Variants in GLRA3 observed in about 807,000 individuals in gnomAD.
GLRA3 encodes the protein glycine receptor alpha 3, also known as glycine receptor subunit alpha-3.
Under a neutral mutation model 60.4 loss-of-function variants are expected in GLRA3, and 44 were observed. The observed-to-expected ratio is 0.73, with a 90% CI of 0.57 to 0.94. The LOEUF (loss-of-function observed/expected upper bound fraction) is 0.94, where lower values mean the gene tolerates loss of function less well. GLRA3 is among the 40% of genes least tolerant of loss of function. The probability of loss-of-function intolerance (pLI) is 0.00; values close to 1 mark genes in which losing one functional copy is unlikely to be tolerated. For missense variants in GLRA3, 508 were observed against 564.6 expected, an observed-to-expected ratio of 0.90 and a Z score of 1.02; for synonymous variants, 223 against 192.9, an observed-to-expected ratio of 1.16 and a Z score of -1.29.
chr4:174,675,190 T>G (rs980312755), intron 7 of GLRA3, among the ~76,000 whole-genome samples: 3 of 152,164 alleles, frequency 2.0e-5, no homozygotes, highest in Admixed American at 6.6e-5. Context: ...ATCAGAGAGA[T>G]AGACTTTGTA....
rs917761951 is a variant in GLRA3 at position 174,728,640 on chromosome 4, C to T, written c.326G>A (p.Ser109Asn). 5 of 1,611,946 alleles carry T rather than the reference C, an allele frequency of 3.1e-6. No individual in the cohort carries two copies. The East Asian group carries it at 1.1e-4, about 36-fold the overall frequency. ...GTCTAAAGAGTCGTCAGGATATTCACTGTACGCGAGGCGGGGATCATTCCA... is the reference window on the plus strand; with the variant it reads ...GTCTAAAGAGTCGTCAGGATATTCATTGTACGCGAGGCGGGGATCATTCCA... ...QKWNDPRLAY[S>N]EYPDDSLDLD... Residue 109 changes from serine to asparagine, a missense_variant, in exon 4 of 10, where the codon AGT becomes AAT. This residue lies in a region of GLRA3 where 329 missense variants were observed against 349.3 expected (regional missense o/e 0.94). Coordinates refer to ENST00000274093, the MANE Select transcript of GLRA3 (RefSeq NM_006529.4).
At chr4:174,798,615 C>A (rs1739665355) in intron 1 of GLRA3, among the ~76,000 whole-genome samples, 1 of 151,726 alleles carries the variant, frequency 6.6e-6, no homozygotes, top group South Asian at 2.1e-4. Context: ...AGAAGGCCAC[C>A]ATGGAAGAAT....
At chr4:174,661,691 A>G (rs1009804148) in intron 7 of GLRA3, among the ~76,000 whole-genome samples, 2 of 152,126 alleles carry the variant, frequency 1.3e-5, no homozygotes, top group African/African-American at 4.8e-5. Flanking sequence ...GGATCTGGCA[A>G]TCTGGCAGCA....
At position 174,715,283 on chromosome 4, in the gene GLRA3, A is replaced by C. The variant is rs113587444; in HGVS notation, c.574+205T>G. On this transcript the variant is annotated intron_variant, in intron 5 of 9. Transcript: ENST00000274093. ...CAAGCTTTGAAAATCTGTTATTTTT[A>C]GATCCTCAATTTGTTTCTTTCTCAT... Among the ~76,000 whole-genome samples, 1,078 of 152,310 alleles carry C rather than the reference A, an allele frequency of 7.1e-3. 12 individuals are homozygous for C. Among genetic ancestry groups the C allele is most frequent in the African/African-American group, 0.025 (1,031 of 41,566 alleles).
chr4:174,675,075 A>G (rs1734060967), intron 7 of GLRA3, among the ~76,000 whole-genome samples: 2 of 152,176 alleles, frequency 1.3e-5, no homozygotes, highest in Non-Finnish European at 2.9e-5. Context: ...TTGAATTCTA[A>G]GATGATACAG....
Position 174,639,588 on chromosome 4 carries a change from T to C in GLRA3, c.*4198A>G, listed in dbSNP as rs1313330722. The C allele has an allele frequency of 6.6e-6, 1 of 152,108 alleles. No individual in the cohort carries two copies. The allele number at this position is 152,108 out of a possible 1,614,324, so 9.4% of individuals were successfully genotyped here. A position where few individuals can be genotyped will look rare whatever the true frequency, so the allele number is the denominator to read the frequency against. On this transcript the variant is annotated 3_prime_UTR_variant, in exon 10 of 10. Coordinates refer to ENST00000274093, the MANE Select transcript of GLRA3 (RefSeq NM_006529.4). ...CCCTGCCCTAGTTCCGTTTAAATTGTAGAGAGTTATATTTTACACATGGCC... is the reference window on the plus strand; with the variant it reads ...CCCTGCCCTAGTTCCGTTTAAATTGCAGAGAGTTATATTTTACACATGGCC...
chr4:174,756,861 A>T (rs1458924680), intron 3 of GLRA3, among the ~76,000 whole-genome samples: 1 of 152,046 alleles, frequency 6.6e-6, no homozygotes, highest in East Asian at 1.9e-4. Context: ...GTTAGCCAGG[A>T]TGGTCTCGTC....
At chr4:174,826,482 C>T (rs893322451) in intron 1 of GLRA3, among the ~76,000 whole-genome samples, 5 of 152,126 alleles carry the variant, frequency 3.3e-5, no homozygotes, top group Admixed American at 3.3e-4. Context: ...CTTCTACTTG[C>T]TGAACTGTAG....
chr4:174,815,937 G>A (rs1445562744), intron 1 of GLRA3, among the ~76,000 whole-genome samples: 3 of 152,272 alleles, frequency 2.0e-5, no homozygotes, highest in Middle Eastern at 3.4e-3. Flanking sequence ...CAGAAAATGG[G>A]AGTTTCTTTT....
chr4:174,716,601 C>T (rs1735926634), intron 4 of GLRA3, among the ~76,000 whole-genome samples: 1 of 152,158 alleles, frequency 6.6e-6, no homozygotes, highest in Non-Finnish European at 1.5e-5. Flanking sequence ...TCTTCATGAG[C>T]ACCCTAGGTG....
chr4:174,662,738 T>G lies in GLRA3; in HGVS notation c.928-3541A>C, dbSNP rs78179186. The stretch of plus-strand genomic sequence containing the variant: ...GTTCTTCAGGTCTCAGGCTAGACTT[T>G]GCCCAAATCTGGTTCAGAATCTCAT... On this transcript the variant is annotated intron_variant, in intron 7 of 9. Coordinates refer to ENST00000274093, the MANE Select transcript of GLRA3 (RefSeq NM_006529.4). Among the ~76,000 whole-genome samples, 470 of 152,254 alleles carry G rather than the reference T, an allele frequency of 3.1e-3. 4 individuals carry two copies. Among genetic ancestry groups the G allele is most frequent in the African/African-American group, 0.011 (449 of 41,566 alleles).
intron 2 of GLRA3, among the ~76,000 whole-genome samples, chr4:174,785,823 G>A (rs190398783): frequency 6.6e-6 from 1 of 152,002 alleles, no homozygotes; most frequent in African/African-American, 2.4e-5. Flanking sequence ...AGGCTGGAGT[G>A]CAGTGGCACA....
chr4:174,783,067 T>A (rs915851441), intron 2 of GLRA3, among the ~76,000 whole-genome samples: 4 of 152,156 alleles, frequency 2.6e-5, no homozygotes, highest in African/African-American at 7.2e-5. Flanking sequence ...GACTTCCAAC[T>A]ATACTACAAG....
rs540518498 is a variant in GLRA3 at position 174,637,634 on chromosome 4, T to C, written c.*6152A>G. On this transcript the variant is annotated 3_prime_UTR_variant, in exon 10 of 10. Coordinates refer to ENST00000274093, the MANE Select transcript of GLRA3 (RefSeq NM_006529.4). ...AACCACCCCAGAGTAAAAGCAGCTA[T>C]TAAAATAAAACAACTTAATCCCCTG... is the stretch of plus-strand genomic sequence containing the variant. The C allele has an allele frequency of 4.9e-4, 75 of 152,344 alleles. 1 individual carries two copies. The highest frequency in any genetic ancestry group is 1.6e-3 in the African/African-American group (67 of 41,592). The allele number at this position is 152,344 out of a possible 1,614,324, so 9.4% of individuals were successfully genotyped here. A position where few individuals can be genotyped will look rare whatever the true frequency, so the allele number is the denominator to read the frequency against.
At chr4:174,828,705 A>C (rs1361546126) in intron 1 of GLRA3, 36 bp downstream of exon 1, 1 of 1,361,716 alleles carries the variant, frequency 7.3e-7, no homozygotes, top group Non-Finnish European at 1.1e-6. Flanking sequence ...CACAGGCTTA[A>C]TGAGTTCTCC....
chr4:174,699,859 A>ATTTATTATT (rs1735234802), intron 5 of GLRA3, among the ~76,000 whole-genome samples: 1 of 151,012 alleles, frequency 6.6e-6, no homozygotes, highest in Non-Finnish European at 1.5e-5. Context: ...TTAATGCATT[A>ATTTATTATT]ATTATTTAAT....
intron 6 of GLRA3, among the ~76,000 whole-genome samples, chr4:174,680,374 A>C (rs2110966605): frequency 6.6e-6 from 1 of 152,332 alleles, no homozygotes; most frequent in Non-Finnish European, 1.5e-5. Flanking sequence ...GGGCAATGAA[A>C]GAAACATGCA....
chr4:174,665,574 T>C (rs1733637790), intron 7 of GLRA3, among the ~76,000 whole-genome samples: 1 of 152,210 alleles, frequency 6.6e-6, no homozygotes, highest in Non-Finnish European at 1.5e-5. Flanking sequence ...CAAAAATTAG[T>C]ATGTCCATGA....
At chr4:174,779,690 A>G (rs1300463381) in intron 2 of GLRA3, among the ~76,000 whole-genome samples, 4 of 152,188 alleles carry the variant, frequency 2.6e-5, no homozygotes, top group Non-Finnish European at 5.9e-5. Flanking sequence ...AGCCGATGCG[A>G]TCAACTGGAA....
Sources: allele counts gnomAD v4.1 joint callset (sites outside exome capture counted in the v4.1 genomes callset), GRCh38; gene constraint gnomAD v4.1.1; regional missense constraint gnomAD v4.1.1; transcripts MANE v1.5; gene names NCBI Gene and HGNC (gene_info 2026-07-23, HGNC 2026-07-21).